ZKSCAN8: variants seen among roughly 807,000 people sequenced by gnomAD.
ZKSCAN8 encodes the protein zinc finger with KRAB and SCAN domains 8.
In ZKSCAN8, 27 loss-of-function variants were observed where a neutral mutation model predicts 57.2. The ratio of observed to expected loss-of-function variants is 0.47; its 90% CI spans 0.35 to 0.65. The LOEUF is 0.65. Among genes scored for constraint, ZKSCAN8 ranks in the 30% least tolerant of loss-of-function variants. The pLI, the probability that ZKSCAN8 is intolerant of heterozygous loss-of-function variation, is 0.01. For synonymous variants in ZKSCAN8, 214 were observed against 248.7 expected (o/e 0.86, Z 1.31); for missense variants, 597 against 696.3 (o/e 0.86, Z 1.60).
At chr6:28,147,389 T>C (rs972730888) in intron 1 of ZKSCAN8, among the ~76,000 whole-genome samples, 3 of 152,186 alleles carry the variant, frequency 2.0e-5, no homozygotes, top group Non-Finnish European at 4.4e-5. Context: ...AAAAACAATA[T>C]CAAGTGCTAG....
rs1203827639 is a variant in ZKSCAN8 at position 28,155,796 on chromosome 6, C to T, written c.*1779C>T. On this transcript the variant is annotated 3_prime_UTR_variant, in exon 6 of 6. Transcript: ENST00000330236. ...CCTATAACATTCCTTCTCTGCCTCT[C>T]TATGGCCCACTTTGACCACTAACAA... 2 of 206,918 alleles carry T rather than the reference C, an allele frequency of 9.7e-6. No individual in the cohort carries two copies. The highest frequency in any genetic ancestry group is 4.6e-5 in the African/African-American group (2 of 43,684). 12.8% of individuals were successfully genotyped at this position (206,918 alleles called of 1,614,324 possible).
rs1047507332 is a variant in ZKSCAN8 at position 28,156,433 on chromosome 6, A to C, written c.*2416A>C. 2.6e-6 allele frequency: 1 copy of C among 383,852 alleles called. No individual in the cohort carries two copies. Among genetic ancestry groups the C allele is most frequent in the African/African-American group, 2.1e-5 (1 of 48,300 alleles). The allele number at this position is 383,852 out of a possible 1,614,324, so 23.8% of individuals were successfully genotyped here. A position where few individuals can be genotyped will look rare whatever the true frequency, so the allele number is the denominator to read the frequency against. The stretch of plus-strand genomic sequence containing the variant: ...ATGTGGCATAAATTTGGAGAAAATA[A>C]TATGACTAGAAAAATTAGTGTTATA... On this transcript the variant is annotated 3_prime_UTR_variant, in exon 6 of 6. Coordinates refer to ENST00000330236, the MANE Select transcript of ZKSCAN8 (RefSeq NM_006298.4).
chr6:28,148,209 T>G (rs1581521718), intron 1 of ZKSCAN8, 107 bp from the exon 2 acceptor site: 1 of 524,600 alleles, frequency 1.9e-6, no homozygotes, highest in Non-Finnish European at 3.3e-6. Context: ...ATCATTTAAT[T>G]GGCCGAGCCA....
In ZKSCAN8 at chr6:28,152,373, T is replaced by C. The variant is rs1765619404; in HGVS notation, c.764T>C (p.Met255Thr). The change falls in exon 5 of 6, where the codon ATG becomes ACG. Residue 255 changes from methionine to threonine, a missense_variant. Transcript: ENST00000330236. ...RDNRPENFRN[M>T]FSLGGETRSE... ...AACAGGCCAGAAAATTTCAGAAACA[T>C]GTTCTCCCTGGGTAAGGAGAGGTGT... 1 of 1,607,492 alleles carries C rather than the reference T, an allele frequency of 6.2e-7. No homozygotes were observed. Among genetic ancestry groups the C allele is most frequent in the Non-Finnish European group, 8.5e-7 (1 of 1,178,348 alleles).
chr6:28,150,014 T>G (rs1290773241), intron 3 of ZKSCAN8, among the ~76,000 whole-genome samples: 1 of 137,532 alleles, frequency 7.3e-6, no homozygotes, highest in Non-Finnish European at 1.6e-5. Flanking sequence ...TTTCAGTATG[T>G]ATTTCCTCAG....
chr6:28,145,003 G>A (rs1249502471), intron 1 of ZKSCAN8, among the ~76,000 whole-genome samples: 3 of 152,162 alleles, frequency 2.0e-5, no homozygotes, highest in African/African-American at 7.2e-5. Context: ...GTTGCAGTGA[G>A]CCGAGTTCGC....
chr6:28,149,802 A>G (rs1005956564), intron 3 of ZKSCAN8, among the ~76,000 whole-genome samples, 178 bp downstream of exon 3: 3 of 151,830 alleles, frequency 2.0e-5, no homozygotes, highest in African/African-American at 7.3e-5. Context: ...TGGTAAACTC[A>G]TGAACAAATT....
At chr6:28,151,736 G>A (rs570107941) in intron 3 of ZKSCAN8, 109 bp from the exon 4 acceptor site, 3 of 866,640 alleles carry the variant, frequency 3.5e-6, no homozygotes, top group Non-Finnish European at 5.6e-6. Flanking sequence ...CAAAATCTTT[G>A]GCATACATGT....
chr6:28,146,411 G>C (rs1393213276), intron 1 of ZKSCAN8, among the ~76,000 whole-genome samples: 3 of 152,164 alleles, frequency 2.0e-5, no homozygotes, highest in Admixed American at 2.0e-4. Flanking sequence ...GATTTTTAAA[G>C]GCAACAGTAT....
At chr6:28,149,735 C>A in intron 3 of ZKSCAN8, 111 bp downstream of exon 3, 2 of 1,269,328 alleles carry the variant, frequency 1.6e-6, no homozygotes, top group Non-Finnish European at 2.1e-6. Context: ...GTTTACAGAC[C>A]AGTCCCAAAG....
At chr6:28,150,141 A>G (rs1037379149) in intron 3 of ZKSCAN8, among the ~76,000 whole-genome samples, 25 of 152,252 alleles carry the variant, frequency 1.6e-4, no homozygotes, top group African/African-American at 6.0e-4. Context: ...AGTTGCCCCA[A>G]TTATGTTCTT....
In ZKSCAN8 at chr6:28,154,177, C is replaced by A; in HGVS notation, c.*160C>A. 1 of 1,074,484 alleles carries A rather than the reference C, an allele frequency of 9.3e-7. No homozygotes were observed. Among genetic ancestry groups the A allele is most frequent in the Non-Finnish European group, 1.3e-6 (1 of 769,262 alleles). The allele number at this position is 1,074,484 out of a possible 1,614,324, so 66.6% of individuals were successfully genotyped here. On this transcript the variant is annotated 3_prime_UTR_variant, in exon 6 of 6. Coordinates refer to ENST00000330236, the MANE Select transcript of ZKSCAN8 (RefSeq NM_006298.4). ...AGGATAGCTCTTTAGTAATTTGGGC[C>A]CAGTGCCTTGGTGAAGGTTGATTAG...
rs975633574 is a variant in ZKSCAN8 at position 28,144,984 on chromosome 6, G to A, written c.-93+2955G>A. Among the ~76,000 whole-genome samples the A allele has an allele frequency of 2.0e-5, 3 of 152,210 alleles. No individual in the cohort carries two copies. The highest frequency in any genetic ancestry group is 4.4e-5 in the Non-Finnish European group (3 of 68,038). On this transcript the variant is annotated intron_variant, in intron 1 of 5. Coordinates refer to ENST00000330236, the MANE Select transcript of ZKSCAN8 (RefSeq NM_006298.4). This position sits in a 1 kb window ranked among gnomAD's most constrained non-coding sequence, Gnocchi z 4.5. ...AGGCAGGAGAATGGCGTGAACCCGG[G>A]AGGCGGAGGTTGCAGTGAGCCGAGT...
At position 28,154,463 on chromosome 6, in the gene ZKSCAN8, G is replaced by T. The variant is rs1390400551; in HGVS notation, c.*446G>T. ...ATCTGATCTAAGAAGCTGCTGTAGAGTCAGAAGTAGCTTCTGTGTGAAACT... is the reference window on the plus strand; with the variant it reads ...ATCTGATCTAAGAAGCTGCTGTAGATTCAGAAGTAGCTTCTGTGTGAAACT... On this transcript the variant is annotated 3_prime_UTR_variant, in exon 6 of 6. Transcript: ENST00000330236. 6.4e-6 allele frequency: 1 copy of T among 156,540 alleles called. No homozygotes were observed. The highest frequency in any genetic ancestry group is 1.4e-5 in the Non-Finnish European group (1 of 71,092). The allele number at this position is 156,540 out of a possible 1,614,324, so 9.7% of individuals were successfully genotyped here.
Position 28,148,403 on chromosome 6 carries a change from C to G in ZKSCAN8, c.-5C>G, listed in dbSNP as rs377289231. The G allele has an allele frequency of 6.2e-6, 10 of 1,606,122 alleles. No homozygotes were observed. The African/African-American group carries it at 1.3e-4, about 22-fold the overall frequency. ...AAACGAACTTCCTGAGCTTTTCAGG[C>G]TCTAATGGCTGAAGAATCAAGAAAG... On this transcript the variant is annotated 5_prime_UTR_variant, in exon 2 of 6. Transcript: ENST00000330236.
rs189099111 is a variant in ZKSCAN8, at chr6:28,155,311, A to C, written c.*1294A>C. The C allele has an allele frequency of 8.2e-4, 125 of 152,326 alleles. No homozygotes were observed. The highest frequency in any genetic ancestry group is 2.6e-3 in the Admixed American group (40 of 15,302). The allele number at this position is 152,326 out of a possible 1,614,324, so 9.4% of individuals were successfully genotyped here. A position where few individuals can be genotyped will look rare whatever the true frequency, so the allele number is the denominator to read the frequency against. Reference sequence around the variant, plus strand: ...ATATTTCATCTTTGAGGCTTTTGTTATACCAAGGAATACTATATAAAGTAA... The same window carrying C: ...ATATTTCATCTTTGAGGCTTTTGTTCTACCAAGGAATACTATATAAAGTAA... On this transcript the variant is annotated 3_prime_UTR_variant, in exon 6 of 6. Coordinates refer to ENST00000330236, the MANE Select transcript of ZKSCAN8 (RefSeq NM_006298.4).
chr6:28,159,314 G>C lies in ZKSCAN8; in HGVS notation c.*5297G>C, dbSNP rs528585976. 3 of 152,316 alleles carry C rather than the reference G, an allele frequency of 2.0e-5. No individual in the cohort carries two copies. The highest frequency in any genetic ancestry group is 4.4e-5 in the Non-Finnish European group (3 of 68,042). 9.4% of individuals were successfully genotyped at this position (152,316 alleles called of 1,614,324 possible). On this transcript the variant is annotated 3_prime_UTR_variant, in exon 6 of 6. Coordinates refer to ENST00000330236, the MANE Select transcript of ZKSCAN8 (RefSeq NM_006298.4). ...TTATTTTCTAGCACTCTGTGTTACA[G>C]TTTCATATTTGTATTTATTTCCAAA...
chr6:28,153,923 G>A lies in ZKSCAN8; in HGVS notation c.1643G>A (p.Cys548Tyr), dbSNP rs755042766. The change falls in exon 6 of 6, where the codon TGT (cysteine) becomes TAT (tyrosine). Residue 548 changes from cysteine to tyrosine, a missense_variant. Cys to Tyr is a radical substitution (Grantham distance 194, BLOSUM62 -2). Transcript: ENST00000330236. Reference protein sequence around the residue: ...RIHTGEKPYQCNECGKAFIQR... With the variant: ...RIHTGEKPYQYNECGKAFIQR... ...CACACAGGGGAGAAGCCCTACCAAT[G>A]TAATGAGTGTGGGAAAGCCTTTATT... 1 of 1,614,238 alleles carries A rather than the reference G, an allele frequency of 6.2e-7. No individual in the cohort carries two copies. The highest frequency in any genetic ancestry group is 8.5e-7 in the Non-Finnish European group (1 of 1,180,032).
At chr6:28,143,451 A>G (rs1335457781) in intron 1 of ZKSCAN8, among the ~76,000 whole-genome samples, 1 of 152,220 alleles carries the variant, frequency 6.6e-6, no homozygotes, top group Non-Finnish European at 1.5e-5. Flanking sequence ...AACAATATAA[A>G]GTTCTTGAAT....
Sources: allele counts gnomAD v4.1 joint callset (sites outside exome capture counted in the v4.1 genomes callset), GRCh38; gene constraint gnomAD v4.1.1; non-coding constraint Gnocchi (gnomAD v3.1); transcripts MANE v1.5; gene names NCBI Gene and HGNC (gene_info 2026-07-23, HGNC 2026-07-21).